Variants in CEP350 observed in about 807,000 individuals in gnomAD.
CEP350 encodes centrosomal protein 350, also known as centrosome-associated protein 350.
Under a neutral mutation model 331.8 loss-of-function variants are expected in CEP350, and 126 were observed. That is an observed-to-expected ratio of 0.38 (90% CI 0.33 to 0.44). The LOEUF is 0.44. CEP350 is among the 20% of genes least tolerant of loss of function. The probability of loss-of-function intolerance (pLI) is 1.00; values close to 1 mark genes in which losing one functional copy is unlikely to be tolerated. For synonymous variants in CEP350, 1,200 were observed against 1,259.5 expected, an observed-to-expected ratio of 0.95 and a Z score of 1.00; for missense variants, 3,406 against 3,634.6, an observed-to-expected ratio of 0.94 and a Z score of 1.62.
chr1:179,992,233 GAA>G lies in CEP350; in HGVS notation c.395+21_395+22del. 1.5e-6 allele frequency: 2 copies of G among 1,308,398 alleles called. No homozygotes were observed. The highest frequency in any genetic ancestry group is 2.0e-6 in the Non-Finnish European group (2 of 1,007,878). 81.0% of individuals were successfully genotyped at this position (1,308,398 alleles called of 1,614,324 possible). On this transcript the variant is annotated intron_variant, in intron 5 of 37. Transcript: ENST00000367607. ...TTGGTTTCTTATAGGTTAGTATTGA[GAA>G]AAAAAAAAGGTATCAAATAGGTTTA... is the stretch of plus-strand genomic sequence containing the variant.
chr1:180,103,352 G>A (rs1378814961), intron 37 of CEP350, among the ~76,000 whole-genome samples: 1 of 151,574 alleles, frequency 6.6e-6, no homozygotes, highest in Non-Finnish European at 1.5e-5. Context: ...GTTTGTCTGT[G>A]TCTGCAGCTT....
rs1203437032 is a variant in CEP350, at chr1:180,088,043, CT to C, written c.6425+327del. Among the ~76,000 whole-genome samples the C allele has an allele frequency of 3.3e-5, 5 of 152,016 alleles. No individual in the cohort carries two copies. The East Asian group carries it at 9.6e-4, about 29-fold the overall frequency. ...TATGTTTCAGAAGTCAAAAATAAGT[CT>C]GTAACCTTTGACCCAGTAATCCTAT... On this transcript the variant is annotated intron_variant, in intron 32 of 37. Coordinates refer to ENST00000367607, the MANE Select transcript of CEP350 (RefSeq NM_014810.5).
chr1:180,104,004 AAT>A (rs1206044103), intron 37 of CEP350, among the ~76,000 whole-genome samples: 1 of 147,324 alleles, frequency 6.8e-6, no homozygotes, highest in South Asian at 2.1e-4. Flanking sequence ...TATATTTTAA[AAT>A]ATATACAAAT....
chr1:180,026,186 G>A (rs182402393), intron 14 of CEP350, among the ~76,000 whole-genome samples: 3 of 151,460 alleles, frequency 2.0e-5, no homozygotes, highest in Admixed American at 1.3e-4. Flanking sequence ...CAGGAGAATC[G>A]CTTGAACCCA....
Position 180,109,919 on chromosome 1 carries a change from G to GCCA in CEP350, c.9190-1075_9190-1073dup, listed in dbSNP as rs1362082429. 2.6e-5 allele frequency among the ~76,000 whole-genome samples: 4 copies of GCCA among 152,338 alleles called. No individual in the cohort carries two copies. The East Asian group carries it at 7.7e-4, about 29-fold the overall frequency. ...TGAAGTGCTGGGATTACAGGCGTGAGCCACCGCACCCAGCCAATCTAATGC... is the reference window on the plus strand; with the variant it reads ...TGAAGTGCTGGGATTACAGGCGTGAGCCACCACCGCACCCAGCCAATCTAATGC... On this transcript the variant is annotated intron_variant, in intron 37 of 37. Transcript: ENST00000367607.
chr1:179,966,987 A>G (rs1164778391), intron 1 of CEP350, among the ~76,000 whole-genome samples: 3 of 152,176 alleles, frequency 2.0e-5, no homozygotes, highest in Non-Finnish European at 4.4e-5. Context: ...TATTAAAATT[A>G]AAAACCTTAG....
intron 21 of CEP350, among the ~76,000 whole-genome samples, chr1:180,044,427 C>G (rs1227145409): frequency 1.3e-5 from 2 of 152,030 alleles, no homozygotes; most frequent in African/African-American, 4.8e-5. Flanking sequence ...TCACAGCAGC[C>G]TTCCAAGGCA....
At chr1:180,099,163 C>T (rs1465681942) in intron 37 of CEP350, among the ~76,000 whole-genome samples, 178 bp downstream of exon 37, 1 of 152,102 alleles carries the variant, frequency 6.6e-6, no homozygotes, top group Middle Eastern at 3.2e-3. Flanking sequence ...CTTTTGTACT[C>T]AGTAGATGAA....
At chr1:179,957,685 A>G (rs1178477136) in intron 1 of CEP350, among the ~76,000 whole-genome samples, 1 of 152,244 alleles carries the variant, frequency 6.6e-6, no homozygotes, top group Non-Finnish European at 1.5e-5. Flanking sequence ...TTGGGAATAT[A>G]TTCCAGAGAT....
intron 37 of CEP350, among the ~76,000 whole-genome samples, chr1:180,101,021 C>T (rs1037509854): frequency 2.6e-5 from 4 of 152,194 alleles, no homozygotes; most frequent in African/African-American, 9.6e-5. Flanking sequence ...AGGTGCCAAA[C>T]AGGGTCAGTT....
chr1:180,087,717 G>A lies in CEP350; in HGVS notation c.6425G>A (p.Arg2142Lys). 6.6e-7 allele frequency: 1 copy of A among 1,505,774 alleles called. No individual in the cohort carries two copies. Among genetic ancestry groups the A allele is most frequent in the Non-Finnish European group, 8.9e-7 (1 of 1,127,452 alleles). The allele number at this position is 1,505,774 out of a possible 1,614,324, so 93.3% of individuals were successfully genotyped here. Residue 2142 changes from arginine (R) to lysine (K), a missense_variant and splice_region_variant, in exon 32 of 38, where the codon AGA becomes AAA. Physicochemically the swap from Arg to Lys is conservative, Grantham distance 26. This residue lies in a region of CEP350 where 1,415 missense variants were observed against 1,512.3 expected (regional missense o/e 0.94). Transcript: ENST00000367607. ...PKIKPLTPLH[R>K]SETAKNWKSL... is the part of the protein sequence containing the mutation. ...ATCAAACCCCTCACACCACTACACA[G>A]GTAGAAATTTTTGATAACTTGTCTG...
Position 180,098,942 on chromosome 1 carries a change from T to C in CEP350, c.9146T>C (p.Met3049Thr), listed in dbSNP as rs997514227. The C allele has an allele frequency of 3.1e-6, 5 of 1,613,534 alleles. No individual in the cohort carries two copies. The highest frequency in any genetic ancestry group is 4.2e-6 in the Non-Finnish European group (5 of 1,179,740). The part of the protein sequence containing the change: ...PNHKTDWQKM[M>T]KFGRKKRDRV... ...CACAAAACAGATTGGCAGAAAATGA[T>C]GAAATTTGGAAGAAAGAAAAGAGAC... Residue 3049 changes from methionine to threonine, a missense_variant, in exon 37 of 38, where the codon ATG (methionine) becomes ACG (threonine). Around this residue, in one of 5 missense-constraint regions of CEP350, gnomAD observed 1,415 missense variants for 1,512.3 expected, o/e 0.94. Coordinates refer to ENST00000367607, the MANE Select transcript of CEP350 (RefSeq NM_014810.5).
rs78580554 is a variant in CEP350, at chr1:180,024,621, A to G, written c.3550+39A>G. The G allele has an allele frequency of 2.3e-3, 3,618 of 1,561,084 alleles. 57 individuals are homozygous for G. In the African/African-American group the frequency reaches 0.034, roughly 15 times the overall value. On this transcript the variant is annotated intron_variant, in intron 14 of 37. Coordinates refer to ENST00000367607, the MANE Select transcript of CEP350 (RefSeq NM_014810.5). ...CACATGGTAACTTTTTCTCTTACCA[A>G]TGATTTTGTTGTAGTAATCTAAAGT...
At chr1:179,979,605 T>A (rs1482981443) in intron 1 of CEP350, among the ~76,000 whole-genome samples, 1 of 151,934 alleles carries the variant, frequency 6.6e-6, no homozygotes, top group East Asian at 1.9e-4. Context: ...GGGGTCTTGT[T>A]CATAAAATCT....
intron 27 of CEP350, among the ~76,000 whole-genome samples, chr1:180,072,138 A>G (rs544353043): frequency 3.3e-5 from 5 of 152,320 alleles, no homozygotes; most frequent in African/African-American, 1.2e-4. Flanking sequence ...ATGTATTTAT[A>G]TTTAATAAGG....
chr1:179,973,390 C>T (rs1651602383), intron 1 of CEP350, among the ~76,000 whole-genome samples: 1 of 152,182 alleles, frequency 6.6e-6, no homozygotes, highest in Non-Finnish European at 1.5e-5. Flanking sequence ...GTAGTTTCTG[C>T]TGTTCAGTGA....
chr1:180,095,408 T>C, intron 34 of CEP350, 115 bp from the exon 35 acceptor site: 1 of 1,213,596 alleles, frequency 8.2e-7, no homozygotes, highest in Non-Finnish European at 1.1e-6. Context: ...TTTATTCTGC[T>C]TACTTATAGA....
At chr1:179,974,310 G>C (rs1651684897) in intron 1 of CEP350, among the ~76,000 whole-genome samples, 1 of 152,154 alleles carries the variant, frequency 6.6e-6, no homozygotes, top group South Asian at 2.1e-4. Context: ...TCGATCTCCT[G>C]ACCTTGTGAT....
At chr1:179,974,581 G>C (rs996399812) in intron 1 of CEP350, among the ~76,000 whole-genome samples, 12 of 152,166 alleles carry the variant, frequency 7.9e-5, no homozygotes, top group African/African-American at 2.9e-4. Flanking sequence ...ATTTGTTTAT[G>C]TGTGTCTCTC....
Sources: gnomAD v4.1 joint callset for allele counts (sites outside exome capture counted in the v4.1 genomes callset) on GRCh38, gnomAD v4.1.1 for gene constraint, gnomAD v4.1.1 regional missense constraint, MANE v1.5 for transcripts, NCBI Gene and HGNC (gene_info 2026-07-23, HGNC 2026-07-21) for gene names.